Variants in USP38 observed in about 807,000 individuals in gnomAD.
The protein encoded by USP38 is ubiquitin carboxyl-terminal hydrolase 38.
In USP38, 49 loss-of-function variants were observed where a neutral mutation model predicts 94.3. The observed-to-expected ratio is 0.52, with a 90% CI of 0.41 to 0.66. USP38 has a LOEUF of 0.66. USP38 is among the 30% of genes least tolerant of loss of function. USP38 has a pLI of 0.00. For synonymous variants in USP38, 468 were observed against 463.6 expected, an observed-to-expected ratio of 1.01 and a Z score of -0.12; for missense variants, 1,128 against 1,229.4, an observed-to-expected ratio of 0.92 and a Z score of 1.23.
intron 6 of USP38, among the ~76,000 whole-genome samples, chr4:143,206,980 A>C (rs1012460499): frequency 6.6e-6 from 1 of 152,208 alleles, no homozygotes; most frequent in Non-Finnish European, 1.5e-5. Flanking sequence ...ATAAACAGAC[A>C]TGTTCCTTTC....
intron 9 of USP38, among the ~76,000 whole-genome samples, chr4:143,219,773 T>G (rs1016341934): frequency 1.3e-5 from 2 of 152,160 alleles, no homozygotes; most frequent in Non-Finnish European, 2.9e-5. Flanking sequence ...ATCATTAATA[T>G]TTATTGAATA....
Position 143,214,819 on chromosome 4 carries a change from A to C in USP38, c.2843A>C (p.Lys948Thr). The change falls in exon 9 of 10, where the codon AAA becomes ACA. Residue 948 changes from lysine (K) to threonine (T), a missense_variant. Lys to Thr is a moderately conservative substitution (Grantham distance 78, BLOSUM62 -1). Transcript: ENST00000307017. ...KDTAYVLLYK[K>T]QHSTNGLSGN... is the part of the protein sequence containing the mutation. ...ACAGCTTATGTGCTTTTGTATAAAA[A>C]ACAGCATAGTACTAATGGTTTAAGT... The C allele has an allele frequency of 6.2e-7, 1 of 1,613,744 alleles. No individual in the cohort carries two copies. Among genetic ancestry groups the C allele is most frequent in the Non-Finnish European group, 8.5e-7 (1 of 1,179,772 alleles).
intron 2 of USP38, among the ~76,000 whole-genome samples, chr4:143,189,477 A>G (rs1228674864): frequency 6.6e-5 from 10 of 152,018 alleles, no homozygotes; most frequent in Admixed American, 5.9e-4. Context: ...AAACTGAGCT[A>G]TTCATATTGA....
intron 2 of USP38, among the ~76,000 whole-genome samples, chr4:143,194,909 T>TC (rs1242178035): frequency 2.3e-4 from 34 of 150,764 alleles, no homozygotes; most frequent in African/African-American, 7.1e-4. Context: ...TTTTTTTTTT[T>TC]CACTAAATTG....
chr4:143,209,518 A>G, intron 6 of USP38, 46 bp from the exon 7 acceptor site: 1 of 1,168,776 alleles, frequency 8.6e-7, no homozygotes, highest in Non-Finnish European at 1.2e-6. Flanking sequence ...TAATAAATGC[A>G]TGTGTTTGTA....
chr4:143,221,871 C>A lies in USP38; in HGVS notation c.*1415C>A, dbSNP rs1732332535. On this transcript the variant is annotated 3_prime_UTR_variant, in exon 10 of 10. Coordinates refer to ENST00000307017, the MANE Select transcript of USP38 (RefSeq NM_032557.6). ...ATCCTCATGTTTATTCCATTACCTC[C>A]CATTCCTAACCTGTTTCCAATCACC... 6.6e-6 allele frequency: 1 copy of A among 152,058 alleles called. No homozygotes were observed. The allele number at this position is 152,058 out of a possible 1,614,324, so 9.4% of individuals were successfully genotyped here. A position where few individuals can be genotyped will look rare whatever the true frequency, so the allele number is the denominator to read the frequency against.
At chr4:143,215,252 T>C (rs10001113) in intron 9 of USP38, 181,303 of 304,276 alleles carry the variant, frequency 0.6, 54,894 homozygotes, top group East Asian at 0.82. Flanking sequence ...TCCCTCTTCC[T>C]CTCAGCCTCA....
At chr4:143,212,466 C>A in intron 8 of USP38, 42 bp downstream of exon 8, 2 of 1,388,886 alleles carry the variant, frequency 1.4e-6, no homozygotes, top group Non-Finnish European at 2.0e-6. Context: ...TGTTGTCTTT[C>A]ATAACAGTTT....
chr4:143,196,160 G>T (rs1299290951), intron 3 of USP38, among the ~76,000 whole-genome samples: 2 of 152,058 alleles, frequency 1.3e-5, no homozygotes, highest in African/African-American at 4.8e-5. Context: ...ACAAAAATTA[G>T]GTTGGCATAA....
chr4:143,187,707 A>G, intron 1 of USP38, 119 bp from the exon 2 acceptor site: 1 of 1,087,846 alleles, frequency 9.2e-7, no homozygotes, highest in Non-Finnish European at 1.3e-6. Context: ...GTGTAGCATA[A>G]TAATCCTTCC....
intron 1 of USP38, among the ~76,000 whole-genome samples, chr4:143,186,809 T>G (rs1463947833): frequency 6.6e-6 from 1 of 152,244 alleles, no homozygotes; most frequent in Non-Finnish European, 1.5e-5. Context: ...ATTTTACCAG[T>G]ACCTCTACCT....
chr4:143,218,891 T>G (rs1383694420), intron 9 of USP38, among the ~76,000 whole-genome samples: 1 of 152,090 alleles, frequency 6.6e-6, no homozygotes, highest in Non-Finnish European at 1.5e-5. Context: ...GCTAGAACAA[T>G]GAGGATCTTT....
intron 4 of USP38, among the ~76,000 whole-genome samples, chr4:143,200,856 CAG>C (rs1460243190): frequency 6.6e-6 from 1 of 152,074 alleles, no homozygotes; most frequent in African/African-American, 2.4e-5. Context: ...AAATACAAAA[CAG>C]TGCTCAAAGA....
At chr4:143,189,024 T>C (rs980181919) in intron 2 of USP38, among the ~76,000 whole-genome samples, 1 of 151,914 alleles carries the variant, frequency 6.6e-6, no homozygotes, top group Non-Finnish European at 1.5e-5. Context: ...GTGATACATG[T>C]TTGAAAAAAA....
At position 143,190,783 on chromosome 4, in the gene USP38, C is replaced by T. The variant is rs555129394; in HGVS notation, c.818+2822C>T. Among the ~76,000 whole-genome samples, 70 of 152,148 alleles carry T rather than the reference C, an allele frequency of 4.6e-4. 3 individuals are homozygous for T. In the South Asian group the frequency reaches 0.012, roughly 25 times the overall value. ...TAGTTGGTCTTTTTGCTAGCAGTGA[C>T]TTACTTTTCTTATGTCAACCATGTG... is the stretch of plus-strand genomic sequence containing the variant. On this transcript the variant is annotated intron_variant, in intron 2 of 9. Transcript: ENST00000307017.
At chr4:143,187,488 A>G (rs4574353) in intron 1 of USP38, among the ~76,000 whole-genome samples, 81,392 of 151,982 alleles carry the variant, frequency 0.54, 22,877 homozygotes, top group East Asian at 0.82. Context: ...ATGTTTCTTT[A>G]TATTTCCTTT....
chr4:143,221,274 AATGTT>A lies in USP38; in HGVS notation c.*820_*824del, dbSNP rs1732316841. The stretch of plus-strand genomic sequence containing the variant: ...ATCTTTGGCTGCAAAATTTTAATGA[AATGTT>A]AGGAAGTAATTTTCGTGCTAACATT... On this transcript the variant is annotated 3_prime_UTR_variant, in exon 10 of 10. Coordinates refer to ENST00000307017, the MANE Select transcript of USP38 (RefSeq NM_032557.6). 12 of 152,638 alleles carry A rather than the reference AATGTT, an allele frequency of 7.9e-5. No homozygotes were observed. In the South Asian group the frequency reaches 2.5e-3, roughly 32 times the overall value. The allele number at this position is 152,638 out of a possible 1,614,324, so 9.5% of individuals were successfully genotyped here. A position where few individuals can be genotyped will look rare whatever the true frequency, so the allele number is the denominator to read the frequency against.
At position 143,214,868 on chromosome 4, in the gene USP38, C is replaced by G. The variant is rs755360105; in HGVS notation, c.2892C>G (p.Leu964=). 1 of 1,613,478 alleles carries G rather than the reference C, an allele frequency of 6.2e-7. No homozygotes were observed. The highest frequency in any genetic ancestry group is 2.2e-5 in the East Asian group (1 of 44,846). Reference sequence around the variant, plus strand: ...GTGGTAATAACCCAACCAGTGGACTCTGGATAAATGGAGACCCACCTCTAC... The same window carrying G: ...GTGGTAATAACCCAACCAGTGGACTGTGGATAAATGGAGACCCACCTCTAC... ...GLSGNNPTSG[L]WINGDPPLQK... Residue 964 remains leucine (L), a synonymous_variant, in exon 9 of 10, where the codon CTC becomes CTG. Coordinates refer to ENST00000307017, the MANE Select transcript of USP38 (RefSeq NM_032557.6).
intron 7 of USP38, 64 bp from the exon 8 acceptor site, chr4:143,212,253 AT>A (rs1189852521): frequency 7.5e-7 from 1 of 1,341,194 alleles, no homozygotes; most frequent in Non-Finnish European, 1.0e-6. Context: ...GTATATTAAG[AT>A]TTCAGTTACT....
Sources: allele counts gnomAD v4.1 joint callset (sites outside exome capture counted in the v4.1 genomes callset), GRCh38; gene constraint gnomAD v4.1.1; transcripts MANE v1.5; gene names NCBI Gene and HGNC (gene_info 2026-07-23, HGNC 2026-07-21).